The following ILRUN variants were observed in gnomAD, a reference collection of about 807,000 sequenced individuals.
ILRUN encodes the protein inflammation and lipid regulator with UBA-like and NBR1-like domains, also known as protein ILRUN.
Under a neutral mutation model 33.8 loss-of-function variants are expected in ILRUN, and 3 were observed. The ratio of observed to expected loss-of-function variants is 0.09; its 90% CI spans 0.04 to 0.23. The LOEUF is 0.23. ILRUN is among the 10% of genes least tolerant of loss of function. ILRUN has a pLI of 1.00. For synonymous variants in ILRUN, 124 were observed against 138.9 expected (o/e 0.89, Z 0.75); for missense variants, 210 against 375.1 (o/e 0.56, Z 3.64).
chr6:34,667,757 A>C (rs1169537923), intron 1 of ILRUN, among the ~76,000 whole-genome samples: 2 of 152,248 alleles, frequency 1.3e-5, no homozygotes, highest in Non-Finnish European at 2.9e-5. Context: ...AATCACGACT[A>C]ACCAACAACA....
chr6:34,600,655 C>T (rs542837560), intron 4 of ILRUN, among the ~76,000 whole-genome samples: 1 of 152,254 alleles, frequency 6.6e-6, no homozygotes, highest in Non-Finnish European at 1.5e-5. Context: ...AACCTAAACC[C>T]AAGTGACTAT....
At chr6:34,614,247 C>A (rs1434230067) in intron 3 of ILRUN, among the ~76,000 whole-genome samples, 1 of 151,454 alleles carries the variant, frequency 6.6e-6, no homozygotes, top group African/African-American at 2.4e-5. Flanking sequence ...ACGGTGAAAT[C>A]CCGTCACTAC....
chr6:34,683,487 C>CATATATATATACATAT (rs1310758157), intron 1 of ILRUN, among the ~76,000 whole-genome samples: 7 of 81,862 alleles, frequency 8.6e-5, no homozygotes, highest in African/African-American at 2.3e-4. Flanking sequence ...TATATATATA[C>CATATATATATACATAT]ATATATATAT....
At chr6:34,610,030 G>A (rs983399677) in intron 3 of ILRUN, among the ~76,000 whole-genome samples, 2 of 151,836 alleles carry the variant, frequency 1.3e-5, no homozygotes, top group Admixed American at 1.3e-4. Context: ...GCATGGTGGC[G>A]GGCTCCTATA....
At chr6:34,677,007 A>C (rs1458098857) in intron 1 of ILRUN, among the ~76,000 whole-genome samples, 2 of 152,028 alleles carry the variant, frequency 1.3e-5, no homozygotes, top group African/African-American at 4.8e-5. Flanking sequence ...TTAAAAAAAA[A>C]AAAAAAAAAG....
At chr6:34,673,936 C>CT (rs71000080) in intron 1 of ILRUN, among the ~76,000 whole-genome samples, 1 of 150,472 alleles carries the variant, frequency 6.6e-6, no homozygotes, top group Admixed American at 6.6e-5. Flanking sequence ...CACACACACA[C>CT]GAAAACTGAT....
intron 3 of ILRUN, among the ~76,000 whole-genome samples, chr6:34,627,349 A>T (rs1248125418): frequency 1.3e-5 from 2 of 152,216 alleles, no homozygotes; most frequent in African/African-American, 4.8e-5. Context: ...AATTATAGAT[A>T]AAGTTGCTAT....
rs545941231 is a variant in ILRUN at position 34,614,684 on chromosome 6, G to A, written c.512-7780C>T. ...TGAGAGTGGGCTAGCCTTGTGATTC[G>A]CTTCCAAAAAATTGTATAGGGAGAA... On this transcript the variant is annotated intron_variant, in intron 3 of 4. Transcript: ENST00000374023. 2.5e-3 allele frequency among the ~76,000 whole-genome samples: 385 copies of A among 151,274 alleles called. 1 individual carries two copies. The highest frequency in any genetic ancestry group is 6.2e-3 in the African/African-American group (257 of 41,198).
chr6:34,633,785 GA>G (rs1189970801), intron 3 of ILRUN, among the ~76,000 whole-genome samples: 2 of 149,710 alleles, frequency 1.3e-5, no homozygotes, highest in African/African-American at 4.9e-5. Flanking sequence ...GTCAGAAATG[GA>G]AAGGGAAAGA....
At chr6:34,626,363 G>A (rs533308600) in intron 3 of ILRUN, among the ~76,000 whole-genome samples, 1 of 152,122 alleles carries the variant, frequency 6.6e-6, no homozygotes, top group South Asian at 2.1e-4. Context: ...TGTAGAGATG[G>A]GGGTCTTCCA....
At chr6:34,615,124 C>T (rs1761856286) in intron 3 of ILRUN, among the ~76,000 whole-genome samples, 1 of 152,034 alleles carries the variant, frequency 6.6e-6, no homozygotes, top group Admixed American at 6.6e-5. Flanking sequence ...TAGTAATATA[C>T]CAATGTTGAT....
chr6:34,663,922 A>G (rs565321367), intron 1 of ILRUN, among the ~76,000 whole-genome samples: 1 of 152,214 alleles, frequency 6.6e-6, no homozygotes, highest in Non-Finnish European at 1.5e-5. Flanking sequence ...AGATGAAACC[A>G]ATGCAATCAC....
At chr6:34,595,981 G>T in intron 4 of ILRUN, 1 of 933,644 alleles carries the variant, frequency 1.1e-6, no homozygotes, top group Non-Finnish European at 1.3e-6. Flanking sequence ...ACAGGGTTTA[G>T]TACTAAGTCC....
chr6:34,600,570 TTG>T (rs1761488227), intron 4 of ILRUN, among the ~76,000 whole-genome samples: 1 of 152,202 alleles, frequency 6.6e-6, no homozygotes, highest in Non-Finnish European at 1.5e-5. Context: ...GGTTTGGTTT[TTG>T]TGTGTGTGAC....
chr6:34,640,996 T>C (rs1367007768), intron 3 of ILRUN, among the ~76,000 whole-genome samples: 1 of 149,972 alleles, frequency 6.7e-6, no homozygotes, highest in East Asian at 2.0e-4. Context: ...AGAGAATCGC[T>C]TGAACCTGGG....
chr6:34,606,183 A>G (rs1761625198), intron 4 of ILRUN, among the ~76,000 whole-genome samples: 1 of 152,250 alleles, frequency 6.6e-6, no homozygotes, highest in African/African-American at 2.4e-5. Flanking sequence ...AAAAGACATC[A>G]ACAAGACATG....
intron 1 of ILRUN, among the ~76,000 whole-genome samples, chr6:34,658,115 G>C (rs757554904): frequency 2.6e-5 from 4 of 152,158 alleles, no homozygotes; most frequent in Non-Finnish European, 5.9e-5. Context: ...TTGGGAGGCA[G>C]AGGCAGGCAG....
chr6:34,612,382 T>C (rs1761774572), intron 3 of ILRUN, among the ~76,000 whole-genome samples: 1 of 152,002 alleles, frequency 6.6e-6, no homozygotes, highest in African/African-American at 2.4e-5. Flanking sequence ...ACCACTGTGC[T>C]TCAGCCTGGG....
At chr6:34,648,003 C>T (rs1339812596) in intron 2 of ILRUN, among the ~76,000 whole-genome samples, 2 of 152,186 alleles carry the variant, frequency 1.3e-5, no homozygotes, top group Non-Finnish European at 2.9e-5. Context: ...CCAGCCGGTA[C>T]CCACTCTTGT....
Sources: allele counts gnomAD v4.1 joint callset (sites outside exome capture counted in the v4.1 genomes callset), GRCh38; gene constraint gnomAD v4.1.1; transcripts MANE v1.5; gene names NCBI Gene and HGNC (gene_info 2026-07-23, HGNC 2026-07-21).